VEPH1: variants seen among roughly 807,000 people sequenced by gnomAD.
The protein encoded by VEPH1 is ventricular zone expressed PH domain containing 1.
Under a neutral mutation model 85.2 loss-of-function variants are expected in VEPH1, and 80 were observed. That is an observed-to-expected ratio of 0.94 (90% confidence interval 0.78 to 1.13). The LOEUF is 1.13. Ranked by LOEUF, VEPH1 falls within the 50% of genes most tolerant of loss-of-function variation. VEPH1 has a pLI of 0.00. For missense variants in VEPH1, 955 were observed against 980.5 expected (o/e 0.97, Z 0.35); for synonymous variants, 297 against 348.0 (o/e 0.85, Z 1.63).
chr3:157,425,176 A>T (rs1006778954), intron 5 of VEPH1, among the ~76,000 whole-genome samples: 1 of 152,230 alleles, frequency 6.6e-6, no homozygotes, highest in Non-Finnish European at 1.5e-5. Context: ...AGCCTTTACA[A>T]CTTCCATGTG....
At chr3:157,275,948 G>A (rs757557345) in intron 12 of VEPH1, among the ~76,000 whole-genome samples, 1 of 152,098 alleles carries the variant, frequency 6.6e-6, no homozygotes, top group Non-Finnish European at 1.5e-5. Flanking sequence ...TGAAGGGGTC[G>A]TAGGAGCCAC....
chr3:157,265,439 G>T, intron 13 of VEPH1, 87 bp downstream of exon 13: 1 of 1,413,932 alleles, frequency 7.1e-7, no homozygotes, highest in Non-Finnish European at 9.6e-7. Context: ...AAAATTATTA[G>T]AGTTTAAACC....
intron 6 of VEPH1, among the ~76,000 whole-genome samples, chr3:157,402,187 T>C (rs1156666019): frequency 1.3e-5 from 2 of 152,206 alleles, no homozygotes; most frequent in African/African-American, 4.8e-5. Context: ...TGAGGGAAGG[T>C]AGAATTGTTT....
chr3:157,352,746 C>T (rs1222768126), intron 9 of VEPH1, among the ~76,000 whole-genome samples: 1 of 152,202 alleles, frequency 6.6e-6, no homozygotes, highest in Non-Finnish European at 1.5e-5. Context: ...ACTTTGCCAG[C>T]TCTGCCATAA....
chr3:157,369,179 T>TTAA (rs1560000948), intron 7 of VEPH1, among the ~76,000 whole-genome samples: 4 of 15,054 alleles, frequency 2.7e-4, no homozygotes, highest in Admixed American at 1.1e-3. Context: ...AAAAACCAAA[T>TTAA]GAAAAAAAAA....
chr3:157,462,044 T>TAG (rs1484498061), intron 3 of VEPH1, among the ~76,000 whole-genome samples: 1 of 148,188 alleles, frequency 6.7e-6, no homozygotes, highest in African/African-American at 2.4e-5. Context: ...AAATGTATTT[T>TAG]ATATATATAA....
chr3:157,325,994 A>C (rs558735267), intron 9 of VEPH1, among the ~76,000 whole-genome samples: 2 of 152,038 alleles, frequency 1.3e-5, no homozygotes, highest in Non-Finnish European at 2.9e-5. Context: ...TCTTTGTGTC[A>C]TCTCCGATTT....
intron 9 of VEPH1, among the ~76,000 whole-genome samples, chr3:157,363,119 G>C (rs1045786264): frequency 1.3e-5 from 2 of 149,954 alleles, no homozygotes; most frequent in African/African-American, 2.5e-5. Flanking sequence ...ATATCTTGAG[G>C]TTTGCAAAAA....
chr3:157,450,837 C>T (rs989794139), intron 4 of VEPH1, among the ~76,000 whole-genome samples: 8 of 152,018 alleles, frequency 5.3e-5, no homozygotes, highest in African/African-American at 1.9e-4. Context: ...ATAAAGTGGG[C>T]TTAACATTAG....
intron 9 of VEPH1, among the ~76,000 whole-genome samples, chr3:157,317,943 A>T (rs1720923957): frequency 6.6e-6 from 1 of 152,240 alleles, no homozygotes. Context: ...GACTTCATTT[A>T]ATTTTACCCT....
At chr3:157,307,533 A>G (rs1376689472) in intron 11 of VEPH1, among the ~76,000 whole-genome samples, 6 of 151,844 alleles carry the variant, frequency 4.0e-5, no homozygotes, top group Non-Finnish European at 7.4e-5. Context: ...CTGATTTGTA[A>G]TCCCCCTTCT....
chr3:157,422,983 T>C (rs949889706), intron 5 of VEPH1, among the ~76,000 whole-genome samples: 2 of 152,154 alleles, frequency 1.3e-5, no homozygotes, highest in Non-Finnish European at 2.9e-5. Context: ...AATGCCTGTC[T>C]CTTGTCTTTT....
intron 13 of VEPH1, among the ~76,000 whole-genome samples, chr3:157,264,864 C>T (rs1577180358): frequency 6.6e-6 from 1 of 152,112 alleles, no homozygotes; most frequent in Admixed American, 6.5e-5. Flanking sequence ...TACATAAAAC[C>T]AATTTGAAAA....
At position 157,347,263 on chromosome 3, in the gene VEPH1, G is replaced by C. The variant is rs1421357225; in HGVS notation, c.1735+16101C>G. ...AATGTGACTGTAAAATAAAAATTCA[G>C]TAGAAAGACATGATTGAGACATAGG... is the stretch of plus-strand genomic sequence containing the variant. On this transcript the variant is annotated intron_variant, in intron 9 of 13. Coordinates refer to ENST00000362010, the MANE Select transcript of VEPH1 (RefSeq NM_001167912.2). Among the ~76,000 whole-genome samples, 2 of 151,990 alleles carry C rather than the reference G, an allele frequency of 1.3e-5. 1 individual carries two copies. The highest frequency in any genetic ancestry group is 6.3e-3 in the Middle Eastern group (2 of 316).
chr3:157,427,438 T>C (rs1732837448), intron 5 of VEPH1, among the ~76,000 whole-genome samples: 1 of 151,816 alleles, frequency 6.6e-6, no homozygotes, highest in South Asian at 2.1e-4. Flanking sequence ...TTTTCATTAC[T>C]GTATCTGTCT....
At chr3:157,481,070 A>G (rs567276493) in intron 2 of VEPH1, among the ~76,000 whole-genome samples, 1 of 151,972 alleles carries the variant, frequency 6.6e-6, no homozygotes, top group South Asian at 2.1e-4. Context: ...GCATTTTTTC[A>G]TGTTTGTCAG....
chr3:157,346,331 G>C (rs990842352), intron 9 of VEPH1, among the ~76,000 whole-genome samples: 1 of 152,164 alleles, frequency 6.6e-6, no homozygotes, highest in Admixed American at 6.5e-5. Flanking sequence ...AAGCAAAAAT[G>C]AATTTGAAAT....
chr3:157,464,690 TG>T (rs1736203269), intron 3 of VEPH1, among the ~76,000 whole-genome samples: 1 of 152,216 alleles, frequency 6.6e-6, no homozygotes, highest in Non-Finnish European at 1.5e-5. Context: ...GTGGAAATTG[TG>T]TTTTTGAAAA....
chr3:157,349,966 A>C (rs149364478), intron 9 of VEPH1, among the ~76,000 whole-genome samples: 11 of 152,200 alleles, frequency 7.2e-5, no homozygotes, highest in Non-Finnish European at 1.6e-4. Flanking sequence ...TACAGATTCA[A>C]CGGAGTCACC....
Sources: gnomAD v4.1 joint callset for allele counts (sites outside exome capture counted in the v4.1 genomes callset) on GRCh38, gnomAD v4.1.1 for gene constraint, MANE v1.5 for transcripts, NCBI Gene and HGNC (gene_info 2026-07-23, HGNC 2026-07-21) for gene names.